The following VWA8 variants were observed in gnomAD, a reference collection of about 807,000 sequenced individuals.
VWA8 encodes von Willebrand factor A domain containing 8.
Under a neutral mutation model 241.5 loss-of-function variants are expected in VWA8, and 221 were observed. The observed-to-expected ratio is 0.91, with a 90% CI of 0.82 to 1.02. VWA8 has a LOEUF of 1.02. Ranked by LOEUF, VWA8 falls within the 50% of genes least tolerant of loss-of-function variation. The pLI, the probability that VWA8 is intolerant of heterozygous loss-of-function variation, is 0.00. For missense variants in VWA8, 2,322 were observed against 2,328.7 expected, an observed-to-expected ratio of 1.00 and a Z score of 0.06; for synonymous variants, 852 against 827.1, an observed-to-expected ratio of 1.03 and a Z score of -0.52.
intron 12 of VWA8, among the ~76,000 whole-genome samples, chr13:41,860,584 C>T (rs1872961677): frequency 6.6e-6 from 1 of 152,160 alleles, no homozygotes; most frequent in Non-Finnish European, 1.5e-5. Flanking sequence ...CATTAATAAA[C>T]TGAACAGGAA....
At chr13:41,858,820 T>C (rs919738426) in intron 12 of VWA8, among the ~76,000 whole-genome samples, 2 of 152,068 alleles carry the variant, frequency 1.3e-5, no homozygotes, top group African/African-American at 4.8e-5. Context: ...GTAAGAGCTA[T>C]TCTTTGTGGA....
chr13:41,833,821 T>C (rs1348757901), intron 12 of VWA8, among the ~76,000 whole-genome samples: 3 of 152,222 alleles, frequency 2.0e-5, no homozygotes, highest in Non-Finnish European at 4.4e-5. Context: ...TTCGTTTACA[T>C]AATGGCAGTA....
At position 41,833,249 on chromosome 13, in the gene VWA8, G is replaced by T. The variant is rs145493576; in HGVS notation, c.1586+122C>A. 186 of 1,179,420 alleles carry T rather than the reference G, an allele frequency of 1.6e-4. No homozygotes were observed. The East Asian group carries it at 5.2e-3, about 33-fold the overall frequency. 73.1% of individuals were successfully genotyped at this position (1,179,420 alleles called of 1,614,324 possible). ...GCCATTCTACTTGGTATAGAATCAT[G>T]ATTTTTCAGGATCTACACAACCCAG... On this transcript the variant is annotated intron_variant, in intron 13 of 44. Coordinates refer to ENST00000379310, the MANE Select transcript of VWA8 (RefSeq NM_015058.2).
intron 12 of VWA8, among the ~76,000 whole-genome samples, chr13:41,834,824 A>G (rs757544716): frequency 2.5e-4 from 38 of 152,334 alleles, no homozygotes; most frequent in Non-Finnish European, 5.0e-4. Context: ...AAGACATGGA[A>G]TCAACCTAAA....
rs112291674 is a variant in VWA8, at chr13:41,891,602, C to T, written c.484-15G>A. On this transcript the variant is annotated splice_polypyrimidine_tract_variant and intron_variant, in intron 4 of 44. Transcript: ENST00000379310. ...CGAACTGCACACTATTTCCAAGAAA[C>T]GTAAAAGCAAAATGAGAATACTGAA... The T allele has an allele frequency of 9.9e-6, 16 of 1,613,044 alleles. No individual in the cohort carries two copies. Among genetic ancestry groups the T allele is most frequent in the African/African-American group, 2.7e-5 (2 of 74,854 alleles).
chr13:41,712,358 G>A (rs2045324100), intron 26 of VWA8, among the ~76,000 whole-genome samples: 1 of 151,934 alleles, frequency 6.6e-6, no homozygotes. Context: ...ACTCACATGT[G>A]CTCCATAAAT....
At chr13:41,795,709 C>T (rs897838029) in intron 17 of VWA8, among the ~76,000 whole-genome samples, 1 of 152,170 alleles carries the variant, frequency 6.6e-6, no homozygotes, top group Non-Finnish European at 1.5e-5. Context: ...GATCCAAACA[C>T]CACATGTTCT....
intron 9 of VWA8, among the ~76,000 whole-genome samples, chr13:41,873,292 T>C (rs1257961910): frequency 6.6e-6 from 1 of 151,696 alleles, no homozygotes; most frequent in Non-Finnish European, 1.5e-5. Context: ...CAAGAGCAAA[T>C]ATATTCAAAA....
chr13:41,652,851 G>A (rs1304497119), intron 37 of VWA8, among the ~76,000 whole-genome samples: 2 of 152,116 alleles, frequency 1.3e-5, no homozygotes, highest in Admixed American at 1.3e-4. Flanking sequence ...TAGTGACGAT[G>A]CTTTTATATT....
At chr13:41,795,271 G>A (rs1869639385) in intron 17 of VWA8, among the ~76,000 whole-genome samples, 1 of 152,148 alleles carries the variant, frequency 6.6e-6, no homozygotes, top group East Asian at 1.9e-4. Context: ...CAGAAAAATA[G>A]CAATTAGTAA....
chr13:41,882,028 G>C (rs896229661), intron 9 of VWA8, among the ~76,000 whole-genome samples: 7 of 149,454 alleles, frequency 4.7e-5, no homozygotes, highest in Non-Finnish European at 8.9e-5. Context: ...TCCGGGCGGA[G>C]GGGCTCCTCA....
chr13:41,740,893 T>C (rs1304660120), intron 21 of VWA8, among the ~76,000 whole-genome samples: 1 of 152,112 alleles, frequency 6.6e-6, no homozygotes, highest in Non-Finnish European at 1.5e-5. Context: ...AAATACTTAA[T>C]ATATGGGTCA....
At chr13:41,657,736 G>A (rs545590112) in intron 37 of VWA8, among the ~76,000 whole-genome samples, 15 of 152,160 alleles carry the variant, frequency 9.9e-5, no homozygotes, top group African/African-American at 3.4e-4. Flanking sequence ...TGATCTACCC[G>A]CCTCGGCCTC....
intron 16 of VWA8, among the ~76,000 whole-genome samples, chr13:41,813,359 C>T (rs1235592306): frequency 1.3e-5 from 2 of 152,020 alleles, no homozygotes; most frequent in Admixed American, 6.6e-5. Flanking sequence ...ATACAACAAA[C>T]TTGGCAACTG....
At position 41,698,904 on chromosome 13, in the gene VWA8, G is replaced by T. The variant is rs777987367; in HGVS notation, c.3564+167C>A. Among the ~76,000 whole-genome samples the T allele has an allele frequency of 5.9e-5, 9 of 152,282 alleles. 1 individual carries two copies. In the South Asian group the frequency reaches 1.9e-3, roughly 32 times the overall value. ...ATGTTGAAGTCTCTAGAGAAAAGAAGATATTAGCCTGCCTTTGTAGTACTG... is the reference window on the plus strand; with the variant it reads ...ATGTTGAAGTCTCTAGAGAAAAGAATATATTAGCCTGCCTTTGTAGTACTG... On this transcript the variant is annotated intron_variant, in intron 29 of 44. Transcript: ENST00000379310.
chr13:41,904,077 A>C (rs1372940753), intron 4 of VWA8, among the ~76,000 whole-genome samples: 1 of 152,144 alleles, frequency 6.6e-6, no homozygotes, highest in East Asian at 1.9e-4. Flanking sequence ...AATATTTATA[A>C]ACTTTATAAA....
intron 12 of VWA8, among the ~76,000 whole-genome samples, chr13:41,865,154 G>A (rs1873228554): frequency 6.6e-6 from 1 of 151,916 alleles, no homozygotes; most frequent in Admixed American, 6.6e-5. Context: ...TTCTGTGTGG[G>A]GACATGCACA....
intron 13 of VWA8, among the ~76,000 whole-genome samples, chr13:41,831,339 A>G (rs888865323): frequency 5.3e-5 from 8 of 152,140 alleles, no homozygotes; most frequent in Non-Finnish European, 1.0e-4. Flanking sequence ...CCTGGGTTCA[A>G]CTCCAGCTGT....
intron 21 of VWA8, among the ~76,000 whole-genome samples, chr13:41,738,911 A>G (rs2045545799): frequency 6.6e-6 from 1 of 152,226 alleles, no homozygotes; most frequent in Admixed American, 6.5e-5. Context: ...TGAACACTGT[A>G]TCCACTGCAT....
Sources: gnomAD v4.1 joint callset for allele counts (sites outside exome capture counted in the v4.1 genomes callset) on GRCh38, gnomAD v4.1.1 for gene constraint, MANE v1.5 for transcripts, NCBI Gene and HGNC (gene_info 2026-07-23, HGNC 2026-07-21) for gene names.